The following OSBPL8 variants were observed in gnomAD, a reference collection of about 807,000 sequenced individuals.
OSBPL8 encodes oxysterol binding protein like 8, also known as oxysterol-binding protein-related protein 8.
A neutral mutation model predicts 125.5 loss-of-function variants in OSBPL8; 59 were observed. That is an observed-to-expected ratio of 0.47 (90% CI 0.38 to 0.58). The LOEUF (loss-of-function observed/expected upper bound fraction) is 0.58, where lower values mean the gene tolerates loss of function less well. Among genes scored for constraint, OSBPL8 ranks in the 20% least tolerant of loss-of-function variants. OSBPL8 has a pLI of 0.00. For synonymous variants in OSBPL8, 330 were observed against 338.9 expected (o/e 0.97, Z 0.29); for missense variants, 758 against 1,047.8 (o/e 0.72, Z 3.82).
At chr12:76,476,166 T>A (rs1297821176) in intron 2 of OSBPL8, among the ~76,000 whole-genome samples, 1 of 152,186 alleles carries the variant, frequency 6.6e-6, no homozygotes, top group Admixed American at 6.5e-5. Context: ...CTAAGACATG[T>A]ATTCTCTAGA....
At chr12:76,490,549 T>A (rs567348542) in intron 1 of OSBPL8, among the ~76,000 whole-genome samples, 9 of 152,208 alleles carry the variant, frequency 5.9e-5, no homozygotes, top group African/African-American at 2.2e-4. Flanking sequence ...AGGGAAAGAT[T>A]ACCTACCTGC....
At chr12:76,415,575 T>C (rs542722123) in intron 4 of OSBPL8, among the ~76,000 whole-genome samples, 104 of 152,254 alleles carry the variant, frequency 6.8e-4, no homozygotes, top group African/African-American at 2.4e-3. Context: ...TTCTTAATGG[T>C]TATTAGGACT....
chr12:76,444,040 G>A (rs1196908620), intron 4 of OSBPL8, among the ~76,000 whole-genome samples: 1 of 152,044 alleles, frequency 6.6e-6, no homozygotes, highest in Non-Finnish European at 1.5e-5. Context: ...TTTGATGTGT[G>A]TGGGGTAAGG....
chr12:76,517,466 T>C (rs1881661221), intron 1 of OSBPL8, among the ~76,000 whole-genome samples: 1 of 151,572 alleles, frequency 6.6e-6, no homozygotes, highest in African/African-American at 2.4e-5. Flanking sequence ...CATTAATAAG[T>C]TTATTTTAAG....
At chr12:76,407,573 G>A (rs1954322620) in intron 5 of OSBPL8, among the ~76,000 whole-genome samples, 1 of 152,164 alleles carries the variant, frequency 6.6e-6, no homozygotes, top group Non-Finnish European at 1.5e-5. Flanking sequence ...TAAAGACAAT[G>A]TAGCAACTAT....
rs74105523 is a variant in OSBPL8 at position 76,557,801 on chromosome 12, C to T, written c.-68+1596G>A. On this transcript the variant is annotated intron_variant, in intron 1 of 23. Coordinates refer to ENST00000261183, the MANE Select transcript of OSBPL8 (RefSeq NM_020841.5). The stretch of plus-strand genomic sequence containing the variant: ...GAATATTGACAAATGTATAAGTACC[C>T]TGAATGTGTTATAAAAAACATATTT... Among the ~76,000 whole-genome samples the T allele has an allele frequency of 2.8e-4, 42 of 152,082 alleles. 1 individual carries two copies. In the South Asian group the frequency reaches 5.4e-3, roughly 20 times the overall value.
At chr12:76,415,496 C>G (rs1050482015) in intron 4 of OSBPL8, among the ~76,000 whole-genome samples, 9 of 152,180 alleles carry the variant, frequency 5.9e-5, no homozygotes, top group Non-Finnish European at 1.2e-4. Context: ...GATCCACCCG[C>G]CTTGGCCTCC....
chr12:76,499,137 C>T (rs1251821894), intron 1 of OSBPL8, among the ~76,000 whole-genome samples: 1 of 152,096 alleles, frequency 6.6e-6, no homozygotes, highest in Non-Finnish European at 1.5e-5. Flanking sequence ...GGGAGACTGG[C>T]CTAGCCTCCC....
chr12:76,445,181 A>G (rs1447366558), intron 4 of OSBPL8, among the ~76,000 whole-genome samples: 1 of 152,184 alleles, frequency 6.6e-6, no homozygotes, highest in Non-Finnish European at 1.5e-5. Flanking sequence ...CTGTGGTACT[A>G]CTCAGTAATG....
At chr12:76,357,230 TCCTACTTAA>T (rs1433479588) in intron 22 of OSBPL8, among the ~76,000 whole-genome samples, 1 of 152,198 alleles carries the variant, frequency 6.6e-6, no homozygotes, top group African/African-American at 2.4e-5. Flanking sequence ...TTTGTTCAGA[TCCTACTTAA>T]CCTCTCTGCA....
chr12:76,504,726 C>A (rs913445560), intron 1 of OSBPL8, among the ~76,000 whole-genome samples: 1 of 152,186 alleles, frequency 6.6e-6, no homozygotes, highest in African/African-American at 2.4e-5. Context: ...CTTTGTAAAA[C>A]TAATGAAAAG....
intron 2 of OSBPL8, among the ~76,000 whole-genome samples, chr12:76,483,382 T>A (rs777226460): frequency 3.3e-5 from 5 of 151,614 alleles, no homozygotes; most frequent in African/African-American, 4.8e-5. Flanking sequence ...GCCAACATGG[T>A]GAAACCCCGT....
At chr12:76,425,540 T>C (rs1165578555) in intron 4 of OSBPL8, among the ~76,000 whole-genome samples, 1 of 152,158 alleles carries the variant, frequency 6.6e-6, no homozygotes, top group Non-Finnish European at 1.5e-5. Context: ...ACATCCAATA[T>C]AAAAGAGGTG....
chr12:76,541,286 C>T (rs4761335), intron 1 of OSBPL8, among the ~76,000 whole-genome samples: 74,493 of 151,754 alleles, frequency 0.49, 20,020 homozygotes, highest in East Asian at 0.9. Context: ...TGAGACCAGC[C>T]TGGCCAATAC....
chr12:76,510,806 G>A (rs988513411), intron 1 of OSBPL8, among the ~76,000 whole-genome samples: 3 of 151,796 alleles, frequency 2.0e-5, no homozygotes, highest in African/African-American at 2.4e-5. Flanking sequence ...GCTTGACCCC[G>A]GGAGCTGGAG....
chr12:76,484,962 C>A (rs1410924411), intron 2 of OSBPL8, among the ~76,000 whole-genome samples: 1 of 151,966 alleles, frequency 6.6e-6, no homozygotes, highest in Non-Finnish European at 1.5e-5. Flanking sequence ...CTCTTGTTGC[C>A]CAGGCTAGAG....
chr12:76,409,860 AAC>A, intron 5 of OSBPL8, among the ~76,000 whole-genome samples: 1 of 152,282 alleles, frequency 6.6e-6, no homozygotes, highest in South Asian at 2.1e-4. Context: ...AGTCTTTAGA[AAC>A]AGTTATCTTA....
At chr12:76,407,873 T>C (rs1166043381) in intron 5 of OSBPL8, among the ~76,000 whole-genome samples, 1 of 152,054 alleles carries the variant, frequency 6.6e-6, no homozygotes, top group Non-Finnish European at 1.5e-5. Context: ...TGAATTCTAG[T>C]TTTAAGACTT....
chr12:76,402,670 G>A lies in OSBPL8; in HGVS notation c.366+19C>T. ...AAAGCACAATGTAAATTACCTTTCA[G>A]AAACAACTGGAAACTAACCTTAAGA... is the stretch of plus-strand genomic sequence containing the variant. On this transcript the variant is annotated intron_variant, in intron 6 of 23. Coordinates refer to ENST00000261183, the MANE Select transcript of OSBPL8 (RefSeq NM_020841.5). The A allele has an allele frequency of 6.4e-7, 1 of 1,555,346 alleles. No individual in the cohort carries two copies. The highest frequency in any genetic ancestry group is 8.9e-7 in the Non-Finnish European group (1 of 1,128,444).
Sources: allele counts gnomAD v4.1 joint callset (sites outside exome capture counted in the v4.1 genomes callset), GRCh38; gene constraint gnomAD v4.1.1; transcripts MANE v1.5; gene names NCBI Gene and HGNC (gene_info 2026-07-23, HGNC 2026-07-21).